Variants in CFAP45 observed in about 807,000 individuals in gnomAD.
The protein encoded by CFAP45 is cilia and flagella associated protein 45.
A neutral mutation model predicts 75.6 loss-of-function variants in CFAP45; 43 were observed. That is an observed-to-expected ratio of 0.57 (90% CI 0.45 to 0.73). The LOEUF is 0.73. Among genes scored for constraint, CFAP45 ranks in the 30% least tolerant of loss-of-function variants. The pLI is 0.00. For missense variants in CFAP45, 689 were observed against 701.5 expected (o/e 0.98, Z 0.20); for synonymous variants, 223 against 244.6 (o/e 0.91, Z 0.82).
At chr1:159,881,840 C>A (rs916681786) in intron 7 of CFAP45, among the ~76,000 whole-genome samples, 1 of 152,192 alleles carries the variant, frequency 6.6e-6, no homozygotes, top group Non-Finnish European at 1.5e-5. Context: ...GCTGGCCCCC[C>A]AATCACCTCC....
chr1:159,886,704 T>C lies in CFAP45; in HGVS notation c.589-15A>G, dbSNP rs748463462. ...TTGAGGATAATCTGGAGAGTGGAGATTAAACTGTAGCACTAGGCCTAGGGA... is the reference window on the plus strand; with the variant it reads ...TTGAGGATAATCTGGAGAGTGGAGACTAAACTGTAGCACTAGGCCTAGGGA... On this transcript the variant is annotated splice_polypyrimidine_tract_variant and intron_variant, in intron 5 of 11. Transcript: ENST00000368099. 1 of 1,611,838 alleles carries C rather than the reference T, an allele frequency of 6.2e-7. No individual in the cohort carries two copies. Among genetic ancestry groups the C allele is most frequent in the South Asian group, 1.1e-5 (1 of 91,024 alleles).
Position 159,888,399 on chromosome 1 carries a change from GTTC to G in CFAP45, c.367_369del (p.Glu123del). 1 of 1,612,564 alleles carries G rather than the reference GTTC, an allele frequency of 6.2e-7. No homozygotes were observed. The highest frequency in any genetic ancestry group is 8.5e-7 in the Non-Finnish European group (1 of 1,178,868). The stretch of plus-strand genomic sequence containing the variant: ...TTGAAGGCCTGGTCCCTGGCCTCAA[GTTC>G]TTCTCTGGTCAGGACATGGGATGCC... On this transcript the variant is annotated inframe_deletion, in exon 4 of 12. Transcript: ENST00000368099.
At chr1:159,890,666 T>G in intron 2 of CFAP45, 44 bp from the exon 3 acceptor site, 1 of 1,600,098 alleles carries the variant, frequency 6.2e-7, no homozygotes, top group South Asian at 1.1e-5. Flanking sequence ...TCACCCCCAC[T>G]TCCTGCTGGT....
intron 2 of CFAP45, among the ~76,000 whole-genome samples, chr1:159,892,779 T>C (rs955014756): frequency 1.3e-5 from 2 of 152,194 alleles, no homozygotes; most frequent in Non-Finnish European, 2.9e-5. Context: ...AGGAGGATGG[T>C]TTTGTGTTGT....
At chr1:159,873,970 G>A (rs945358897) in intron 10 of CFAP45, among the ~76,000 whole-genome samples, 45 of 149,410 alleles carry the variant, frequency 3.0e-4, no homozygotes, top group Middle Eastern at 6.8e-3. Flanking sequence ...GTTACTGGAA[G>A]GAAGGAGCTC....
At chr1:159,893,683 C>A (rs899481217) in intron 1 of CFAP45, among the ~76,000 whole-genome samples, 1 of 152,016 alleles carries the variant, frequency 6.6e-6, no homozygotes, top group South Asian at 2.1e-4. Flanking sequence ...AGTTCTGGTG[C>A]TCTATTGCAC....
chr1:159,885,412 A>G (rs901949788), intron 6 of CFAP45, among the ~76,000 whole-genome samples: 2 of 152,200 alleles, frequency 1.3e-5, no homozygotes, highest in Non-Finnish European at 2.9e-5. Context: ...CACAAGACAC[A>G]GAGATGAATG....
chr1:159,894,772 A>T (rs1649914539), intron 1 of CFAP45, among the ~76,000 whole-genome samples: 1 of 152,218 alleles, frequency 6.6e-6, no homozygotes, highest in Admixed American at 6.5e-5. Flanking sequence ...AGGCTTAGCC[A>T]ATGAGATGGC....
In CFAP45 at chr1:159,872,961, T is replaced by C. The variant is rs1212234737; in HGVS notation, c.1560A>G (p.Lys520=). Residue 520 remains lysine, a synonymous_variant, in exon 11 of 12, where the codon AAA becomes AAG. Coordinates refer to ENST00000368099, the MANE Select transcript of CFAP45 (RefSeq NM_012337.3). ...RRERIDEIKR[K]KLEELRATGL... ...CAGCGCACCTCAGCTCTTCAAGCTT[T>C]TTCCTCTTGATCTCATCGATGCGCT... is the stretch of plus-strand genomic sequence containing the variant. 7 of 1,614,094 alleles carry C rather than the reference T, an allele frequency of 4.3e-6. No homozygotes were observed. Among genetic ancestry groups the C allele is most frequent in the Non-Finnish European group, 5.9e-6 (7 of 1,180,032 alleles).
chr1:159,899,617 G>A lies in CFAP45; in HGVS notation c.3+479C>T, dbSNP rs1486493620. Among the ~76,000 whole-genome samples the A allele has an allele frequency of 4.6e-5, 7 of 151,960 alleles. No individual in the cohort carries two copies. The East Asian group carries it at 1.4e-3, about 29-fold the overall frequency. ...CGAGTAGCTGGGACTACAGGCGCCC[G>A]CCACCACGCCCGGCTAATTTTTTGT... On this transcript the variant is annotated intron_variant, in intron 1 of 11. Coordinates refer to ENST00000368099, the MANE Select transcript of CFAP45 (RefSeq NM_012337.3).
intron 1 of CFAP45, among the ~76,000 whole-genome samples, chr1:159,893,809 C>G (rs532345452): frequency 6.6e-6 from 1 of 151,640 alleles, no homozygotes; most frequent in Non-Finnish European, 1.5e-5. Flanking sequence ...ATGGCAAGGT[C>G]TAGTATTTGA....
chr1:159,896,119 T>C (rs1649946545), intron 1 of CFAP45, among the ~76,000 whole-genome samples: 1 of 152,216 alleles, frequency 6.6e-6, no homozygotes, highest in Non-Finnish European at 1.5e-5. Context: ...ATGGAAAGTA[T>C]TATTGTTTTC....
intron 3 of CFAP45, 51 bp downstream of exon 3, chr1:159,890,429 T>G: frequency 6.3e-7 from 1 of 1,591,834 alleles, no homozygotes; most frequent in Non-Finnish European, 8.6e-7. Context: ...CAAAGATCCT[T>G]AGCAAAAGGA....
Position 159,880,612 on chromosome 1 carries a change from A to G in CFAP45, c.986T>C (p.Leu329Pro), listed in dbSNP as rs1227520152. ...NDENQKQKAELLAQEKLADQM... is the reference protein window; with the variant it reads ...NDENQKQKAEPLAQEKLADQM... ...GTCTGCCAGCTTCTCCTGAGCCAGCAGTTCTGCTTTCTGTTTCTGGTTTTC... is the reference window on the plus strand; with the variant it reads ...GTCTGCCAGCTTCTCCTGAGCCAGCGGTTCTGCTTTCTGTTTCTGGTTTTC... Residue 329 changes from leucine to proline, a missense_variant, in exon 8 of 12, where the codon CTG (leucine) becomes CCG (proline). Physicochemically the swap from Leu to Pro is moderately conservative, Grantham distance 98 (BLOSUM62 -3). Coordinates refer to ENST00000368099, the MANE Select transcript of CFAP45 (RefSeq NM_012337.3). 1.2e-6 allele frequency: 2 copies of G among 1,613,966 alleles called. No homozygotes were observed. The highest frequency in any genetic ancestry group is 1.1e-5 in the South Asian group (1 of 91,026).
chr1:159,888,792 C>T lies in CFAP45; in HGVS notation c.273-296G>A, dbSNP rs1273915545. 2.1e-5 allele frequency among the ~76,000 whole-genome samples: 3 copies of T among 141,938 alleles called. 1 individual carries two copies. The highest frequency in any genetic ancestry group is 4.6e-5 in the Non-Finnish European group (3 of 64,804). 93.1% of individuals were successfully genotyped at this position (141,938 alleles called of 152,430 possible). Reference sequence around the variant, plus strand: ...TCATGTCCACATGTGCCCACTCTGCCCCCCCACCAAGGACCAATAGATCAC... The same window carrying T: ...TCATGTCCACATGTGCCCACTCTGCTCCCCCACCAAGGACCAATAGATCAC... On this transcript the variant is annotated intron_variant, in intron 3 of 11. Transcript: ENST00000368099.
intron 1 of CFAP45, 150 bp from the exon 2 acceptor site, chr1:159,893,455 T>C (rs969108794): frequency 6.9e-6 from 5 of 726,754 alleles, no homozygotes; most frequent in African/African-American, 3.5e-5. Context: ...CTCTGAACCA[T>C]AGGGGACAAG....
In CFAP45 at chr1:159,888,333, G is replaced by C; in HGVS notation, c.417+19C>G. 1 of 1,613,358 alleles carries C rather than the reference G, an allele frequency of 6.2e-7. No homozygotes were observed. Among genetic ancestry groups the C allele is most frequent in the Non-Finnish European group, 8.5e-7 (1 of 1,179,598 alleles). ...CTGCCACCCATCTGCAGAGGTGAAG[G>C]CTTAGGGAGGTTAACTACCATGGTG... On this transcript the variant is annotated intron_variant, in intron 4 of 11. Coordinates refer to ENST00000368099, the MANE Select transcript of CFAP45 (RefSeq NM_012337.3).
intron 1 of CFAP45, among the ~76,000 whole-genome samples, chr1:159,893,661 A>G (rs2101852195): frequency 6.6e-6 from 1 of 152,284 alleles, no homozygotes; most frequent in South Asian, 2.1e-4. Context: ...TTACAGTTAG[A>G]TAGGAGGAAT....
intron 5 of CFAP45, 115 bp downstream of exon 5, chr1:159,887,726 G>T: frequency 2.3e-6 from 2 of 877,428 alleles, no homozygotes; most frequent in Non-Finnish European, 3.5e-6. Context: ...GCTCTCCCCC[G>T]CCCCACCCCT....
Sources: allele counts gnomAD v4.1 joint callset (sites outside exome capture counted in the v4.1 genomes callset), GRCh38; gene constraint gnomAD v4.1.1; transcripts MANE v1.5; gene names NCBI Gene and HGNC (gene_info 2026-07-23, HGNC 2026-07-21).